HDAC1: variants seen among roughly 807,000 people sequenced by gnomAD.
HDAC1 encodes histone deacetylase 1, also known as protein deacetylase HDAC1.
HDAC1 carries 18 observed loss-of-function variants against 65.5 expected under a neutral mutation model. The ratio of observed to expected loss-of-function variants is 0.27; its 90% CI spans 0.19 to 0.41. HDAC1 has a LOEUF of 0.41. Ranked by LOEUF, HDAC1 falls within the 10% of genes least tolerant of loss-of-function variation. The pLI, the probability that HDAC1 is intolerant of heterozygous loss-of-function variation, is 1.00. For missense variants in HDAC1, 373 were observed against 625.2 expected, an observed-to-expected ratio of 0.60 and a Z score of 4.30; for synonymous variants, 211 against 227.9, an observed-to-expected ratio of 0.93 and a Z score of 0.67.
intron 1 of HDAC1, among the ~76,000 whole-genome samples, chr1:32,297,173 C>A (rs901072668): frequency 2.0e-5 from 3 of 152,044 alleles, no homozygotes; most frequent in Non-Finnish European, 4.4e-5. Flanking sequence ...GAGGCTGGAA[C>A]CTGTGATTTT....
At chr1:32,299,792 C>T (rs184553113) in intron 1 of HDAC1, among the ~76,000 whole-genome samples, 4 of 152,310 alleles carry the variant, frequency 2.6e-5, no homozygotes, top group Admixed American at 2.6e-4. Flanking sequence ...CACGGTGGCT[C>T]ACACCTGTAA....
intron 2 of HDAC1, among the ~76,000 whole-genome samples, chr1:32,313,082 TTTTATTTATTTA>T (rs35808493): frequency 5.4e-5 from 8 of 148,510 alleles, no homozygotes; most frequent in Middle Eastern, 3.4e-3. Flanking sequence ...ACTTATTTTA[TTTTATTTATTTA>T]TTTATTTATT....
At position 32,332,153 on chromosome 1, in the gene HDAC1, A is replaced by G. The variant is rs1641301050; in HGVS notation, c.1283A>G (p.Glu428Gly). 6.2e-7 allele frequency: 1 copy of G among 1,613,306 alleles called. No individual in the cohort carries two copies. Among genetic ancestry groups the G allele is most frequent in the Non-Finnish European group, 8.5e-7 (1 of 1,179,532 alleles). ...EEFSDSEEEG[E>G]GGRKNSSNFK... The stretch of plus-strand genomic sequence containing the variant: ...TTCTCCGATTCTGAAGAGGAGGGAG[A>G]GGGGGGCCGCAAGAACTCTTCCAAC... The change falls in exon 12 of 14, where the codon GAG becomes GGG. Residue 428 changes from glutamate to glycine, a missense_variant. This residue lies in a region of HDAC1 where 126 missense variants were observed against 126.2 expected (regional missense o/e 1.00). Transcript: ENST00000373548.
chr1:32,300,403 A>G (rs1570003613), intron 1 of HDAC1, among the ~76,000 whole-genome samples: 1 of 151,978 alleles, frequency 6.6e-6, no homozygotes, highest in African/African-American at 2.4e-5. Context: ...CTAAATATGA[A>G]AATTAGCTGG....
intron 4 of HDAC1, among the ~76,000 whole-genome samples, 166 bp downstream of exon 4, chr1:32,324,719 C>T (rs934136334): frequency 6.6e-6 from 1 of 152,062 alleles, no homozygotes; most frequent in Non-Finnish European, 1.5e-5. Flanking sequence ...CCTGTAATCC[C>T]AGCACTTTGA....
chr1:32,328,142 A>G (rs912041215), intron 6 of HDAC1, among the ~76,000 whole-genome samples: 5 of 152,200 alleles, frequency 3.3e-5, no homozygotes, highest in African/African-American at 9.6e-5. Flanking sequence ...AAGCCCATCC[A>G]TGAACCTTAG....
chr1:32,327,357 C>T lies in HDAC1; in HGVS notation c.495-179C>T. The T allele has an allele frequency of 1.6e-6, 1 of 642,348 alleles. No homozygotes were observed. Among genetic ancestry groups the T allele is most frequent in the South Asian group, 1.9e-5 (1 of 53,740 alleles). The allele number at this position is 642,348 out of a possible 1,614,324, so 39.8% of individuals were successfully genotyped here. A position where few individuals can be genotyped will look rare whatever the true frequency, so the allele number is the denominator to read the frequency against. On this transcript the variant is annotated intron_variant, in intron 5 of 13. Coordinates refer to ENST00000373548, the MANE Select transcript of HDAC1 (RefSeq NM_004964.3). This position sits in a 1 kb window ranked among gnomAD's most constrained non-coding sequence, Gnocchi z 6.0. ...GAGTAGGAAGATCGGACTTGGTCGG[C>T]TTGGTCAGGCCTCTGGAGACACCCG...
chr1:32,328,179 T>C (rs974867403), intron 6 of HDAC1, among the ~76,000 whole-genome samples: 1 of 152,256 alleles, frequency 6.6e-6, no homozygotes, highest in African/African-American at 2.4e-5. Context: ...AGCTACTTCG[T>C]TGAACTGTTC....
At position 32,327,075 on chromosome 1, in the gene HDAC1, A is replaced by G. The variant is rs758928411; in HGVS notation, c.492A>G (p.Leu164=). 1 of 1,614,002 alleles carries G rather than the reference A, an allele frequency of 6.2e-7. No individual in the cohort carries two copies. Among genetic ancestry groups the G allele is most frequent in the South Asian group, 1.1e-5 (1 of 91,070 alleles). Residue 164 remains leucine (L), a splice_region_variant and synonymous_variant, in exon 5 of 14, where the codon CTA becomes CTG. Coordinates refer to ENST00000373548, the MANE Select transcript of HDAC1 (RefSeq NM_004964.3). This position sits in a 1 kb window ranked among gnomAD's most constrained non-coding sequence, Gnocchi z 6.0. ...NDIVLAILEL[L]KYHQRVLYID... ...TCGTCTTGGCCATCCTGGAACTGCT[A>G]AAGTATGCCTGCCTGGCCTTGTCTC...
chr1:32,325,908 T>TC (rs1428326450), intron 4 of HDAC1, among the ~76,000 whole-genome samples: 1 of 151,962 alleles, frequency 6.6e-6, no homozygotes, highest in East Asian at 2.0e-4. Context: ...GTGCCTGTAA[T>TC]CCCAGCTACT....
chr1:32,310,848 A>G (rs1640980529), intron 2 of HDAC1, among the ~76,000 whole-genome samples: 1 of 150,988 alleles, frequency 6.6e-6, no homozygotes, highest in Non-Finnish European at 1.5e-5. Context: ...AAAGTCGGTG[A>G]AAAAAAGAAA....
intron 1 of HDAC1, among the ~76,000 whole-genome samples, chr1:32,292,668 C>G (rs1275922082): frequency 6.6e-6 from 1 of 152,044 alleles, no homozygotes; most frequent in Admixed American, 6.6e-5. Context: ...AGCCTCTGAG[C>G]GGGGCCTGCG....
intron 4 of HDAC1, among the ~76,000 whole-genome samples, chr1:32,325,990 G>T (rs958701064): frequency 2.6e-5 from 4 of 151,852 alleles, no homozygotes; most frequent in African/African-American, 9.7e-5. Flanking sequence ...TCGCGCCACT[G>T]CACTTCAGCC....
chr1:32,322,668 T>C (rs1284203599), intron 3 of HDAC1, among the ~76,000 whole-genome samples: 1 of 152,246 alleles, frequency 6.6e-6, no homozygotes, highest in African/African-American at 2.4e-5. Context: ...TGTTTTCATT[T>C]CATTTGCCTT....
chr1:32,325,200 A>G lies in HDAC1; in HGVS notation c.355+647A>G, dbSNP rs749192756. On this transcript the variant is annotated intron_variant, in intron 4 of 13. Coordinates refer to ENST00000373548, the MANE Select transcript of HDAC1 (RefSeq NM_004964.3). ...GTGTCATCATCTGTGAATCTGTCCT[A>G]TGAAAAAGTATGGTAATTACCTTTA... Among the ~76,000 whole-genome samples the G allele has an allele frequency of 3.9e-5, 6 of 152,350 alleles. No homozygotes were observed. The East Asian group carries it at 7.7e-4, about 20-fold the overall frequency.
chr1:32,307,251 T>TAA (rs373818358), intron 2 of HDAC1, among the ~76,000 whole-genome samples: 2 of 150,886 alleles, frequency 1.3e-5, no homozygotes, highest in Non-Finnish European at 3.0e-5. Context: ...TTCCCAAAAA[T>TAA]AAAAAAAAAG....
In HDAC1 at chr1:32,327,628, T is replaced by TG. The variant is rs1641236398; in HGVS notation, c.588dup (p.Ser197ValfsTer4). The TG allele has an allele frequency of 6.2e-7, 1 of 1,613,922 alleles. No homozygotes were observed. The highest frequency in any genetic ancestry group is 1.3e-5 in the African/African-American group (1 of 74,940). On this transcript the variant is annotated frameshift_variant, in exon 6 of 14. Coordinates refer to ENST00000373548, the MANE Select transcript of HDAC1 (RefSeq NM_004964.3). LOFTEE classifies it high-confidence loss of function. The surrounding 1 kb of genome is among the most constrained non-coding windows in gnomAD (Gnocchi z 6.0). Reference sequence around the variant, plus strand: ...TACACCACGGACCGGGTCATGACTGTGTCCTTTCATAAGTATGGAGAGTAC... The same window carrying TG: ...TACACCACGGACCGGGTCATGACTGTGGTCCTTTCATAAGTATGGAGAGTAC...
rs1056504097 is a variant in HDAC1, at chr1:32,333,073, T to C, written c.*29T>C. 3 of 1,601,642 alleles carry C rather than the reference T, an allele frequency of 1.9e-6. No homozygotes were observed. Among genetic ancestry groups the C allele is most frequent in the Non-Finnish European group, 2.6e-6 (3 of 1,169,098 alleles). On this transcript the variant is annotated 3_prime_UTR_variant, in exon 14 of 14. Transcript: ENST00000373548. ...GACCTCTCCAGCTCTGGCTTCCTGCTGAGTCCCTCACGTTTCTTCCCCAAC... is the reference window on the plus strand; with the variant it reads ...GACCTCTCCAGCTCTGGCTTCCTGCCGAGTCCCTCACGTTTCTTCCCCAAC...
At chr1:32,294,789 C>T (rs554945086) in intron 1 of HDAC1, among the ~76,000 whole-genome samples, 72 of 151,438 alleles carry the variant, frequency 4.8e-4, no homozygotes, top group Admixed American at 2.6e-3. Flanking sequence ...GCTGGGATTA[C>T]AGGTGTGAGC....
Sources: gnomAD v4.1 joint callset for allele counts (sites outside exome capture counted in the v4.1 genomes callset) on GRCh38, gnomAD v4.1.1 for gene constraint, gnomAD v4.1.1 regional missense constraint, Gnocchi (gnomAD v3.1) non-coding constraint, MANE v1.5 for transcripts, NCBI Gene and HGNC (gene_info 2026-07-23, HGNC 2026-07-21) for gene names.